The following SMOX variants were observed in gnomAD, a reference collection of about 807,000 sequenced individuals.
SMOX encodes spermine oxidase, also known as flavin containing amine oxidase.
SMOX carries 22 observed loss-of-function variants against 51.0 expected under a neutral mutation model. The observed-to-expected ratio is 0.43, with a 90% CI of 0.31 to 0.62. The LOEUF is 0.62. Ranked by LOEUF, SMOX falls within the 20% of genes least tolerant of loss-of-function variation. SMOX has a pLI of 0.10. For synonymous variants in SMOX, 282 were observed against 307.8 expected (o/e 0.92, Z 0.88); for missense variants, 566 against 777.7 (o/e 0.73, Z 3.24).
chr20:4,182,876 C>G lies in SMOX; in HGVS notation c.1369+28C>G, dbSNP rs747185179. On this transcript the variant is annotated intron_variant, in intron 5 of 6. Transcript: ENST00000305958. The surrounding 1 kb of genome is among the most constrained non-coding windows in gnomAD (Gnocchi z 8.4). Reference sequence around the variant, plus strand: ...GCGCCACGTGCCCCACGACCCGCTTCCCCCACCCTGCTTCTTCCTCACCTG... The same window carrying G: ...GCGCCACGTGCCCCACGACCCGCTTGCCCCACCCTGCTTCTTCCTCACCTG... 1 of 1,583,336 alleles carries G rather than the reference C, an allele frequency of 6.3e-7. No individual in the cohort carries two copies. The highest frequency in any genetic ancestry group is 1.1e-5 in the South Asian group (1 of 88,500).
intron 1 of SMOX, 32 bp from the exon 2 acceptor site, chr20:4,174,998 C>T: frequency 6.3e-7 from 1 of 1,598,084 alleles, no homozygotes; most frequent in Non-Finnish European, 8.6e-7. Context: ...GAAGGCAGAG[C>T]CACTAAGCTG....
In SMOX at chr20:4,183,887, T is replaced by C. The variant is rs1438859659; in HGVS notation, c.1530+233T>C. 6.6e-6 allele frequency among the ~76,000 whole-genome samples: 1 copy of C among 152,222 alleles called. No homozygotes were observed. Among genetic ancestry groups the C allele is most frequent in the Non-Finnish European group, 1.5e-5 (1 of 68,036 alleles). ...AATGTTTTCTTGATGTTATGAAAAC[T>C]GAGCTATTCCATGCTGTGCTGGCCA... On this transcript the variant is annotated intron_variant, in intron 6 of 6. Coordinates refer to ENST00000305958, the MANE Select transcript of SMOX (RefSeq NM_175839.3). This position sits in a 1 kb window ranked among gnomAD's most constrained non-coding sequence, Gnocchi z 4.3.
rs1168461230 is a variant in SMOX at position 4,166,036 on chromosome 20, A to G, written c.-26-8994A>G. Among the ~76,000 whole-genome samples, 1 of 152,234 alleles carries G rather than the reference A, an allele frequency of 6.6e-6. No individual in the cohort carries two copies. Among genetic ancestry groups the G allele is most frequent in the Non-Finnish European group, 1.5e-5 (1 of 68,034 alleles). ...GTGAGAAACCTGGAGGTGGAAACTT[A>G]GCTGGTGGGGCTGGCCCAGAGCTTG... On this transcript the variant is annotated intron_variant, in intron 1 of 6. Coordinates refer to ENST00000305958, the MANE Select transcript of SMOX (RefSeq NM_175839.3). The surrounding 1 kb of genome is among the most constrained non-coding windows in gnomAD (Gnocchi z 4.2).
intron 3 of SMOX, among the ~76,000 whole-genome samples, chr20:4,180,871 C>T (rs1979269585): frequency 6.6e-6 from 1 of 152,166 alleles, no homozygotes; most frequent in Non-Finnish European, 1.5e-5. Context: ...CAATCGTGGA[C>T]TGTCTCCCCA....
Position 4,149,356 on chromosome 20 carries a change from G to A in SMOX, c.-27+379G>A, listed in dbSNP as rs1052867759. Among the ~76,000 whole-genome samples the A allele has an allele frequency of 1.3e-5, 2 of 151,904 alleles. No individual in the cohort carries two copies. The highest frequency in any genetic ancestry group is 2.9e-5 in the Non-Finnish European group (2 of 67,918). ...CGGGCGCCCTGCAGGCGCGCTCCGTGGGCGCAGACAAAGCCGGGCGCGGAC... is the reference window on the plus strand; with the variant it reads ...CGGGCGCCCTGCAGGCGCGCTCCGTAGGCGCAGACAAAGCCGGGCGCGGAC... On this transcript the variant is annotated intron_variant, in intron 1 of 6. Transcript: ENST00000305958. This position sits in a 1 kb window ranked among gnomAD's most constrained non-coding sequence, Gnocchi z 6.0.
intron 3 of SMOX, among the ~76,000 whole-genome samples, chr20:4,180,983 C>T (rs1311762179): frequency 1.3e-5 from 2 of 152,164 alleles, no homozygotes; most frequent in African/African-American, 4.8e-5. Flanking sequence ...CTGGGGATCC[C>T]TGGACTGGCT....
intron 1 of SMOX, among the ~76,000 whole-genome samples, chr20:4,158,964 C>G (rs965818032): frequency 6.6e-6 from 1 of 151,686 alleles, no homozygotes; most frequent in African/African-American, 2.4e-5. Context: ...TTAAATGATG[C>G]CTTTAAATGT....
In SMOX at chr20:4,166,167, CG is replaced by C. The variant is rs1568735925; in HGVS notation, c.-26-8862del. The stretch of plus-strand genomic sequence containing the variant: ...GTGTGATCTATTGTCAGAGTGTGAT[CG>C]AGTTGCTAATTTTTGCTGAAGGTGG... On this transcript the variant is annotated intron_variant, in intron 1 of 6. Coordinates refer to ENST00000305958, the MANE Select transcript of SMOX (RefSeq NM_175839.3). The surrounding 1 kb of genome is among the most constrained non-coding windows in gnomAD (Gnocchi z 4.2). 6.6e-6 allele frequency among the ~76,000 whole-genome samples: 1 copy of C among 152,016 alleles called. No homozygotes were observed. Among genetic ancestry groups the C allele is most frequent in the Non-Finnish European group, 1.5e-5 (1 of 68,000 alleles).
intron 1 of SMOX, among the ~76,000 whole-genome samples, chr20:4,154,444 C>T (rs58194036): frequency 0.058 from 8,716 of 151,334 alleles, 394 homozygotes; most frequent in East Asian, 0.22. Flanking sequence ...GACAGGATCT[C>T]GGCTCACTGC....
chr20:4,174,997 G>A (rs1978717774), intron 1 of SMOX, 33 bp from the exon 2 acceptor site: 2 of 1,598,396 alleles, frequency 1.3e-6, no homozygotes, highest in African/African-American at 2.7e-5. Context: ...TGAAGGCAGA[G>A]CCACTAAGCT....
In SMOX at chr20:4,172,556, A is replaced by G. The variant is rs1040360085; in HGVS notation, c.-26-2474A>G. 2.0e-5 allele frequency among the ~76,000 whole-genome samples: 3 copies of G among 152,070 alleles called. No individual in the cohort carries two copies. Among genetic ancestry groups the G allele is most frequent in the Non-Finnish European group, 4.4e-5 (3 of 68,002 alleles). On this transcript the variant is annotated intron_variant, in intron 1 of 6. Transcript: ENST00000305958. This position sits in a 1 kb window ranked among gnomAD's most constrained non-coding sequence, Gnocchi z 7.7. ...AGGAGAGGGACGGGAGTCAGAGGAC[A>G]GAGGCGGGGAGGAGGAAAGGGCCGG...
chr20:4,152,426 T>C (rs1328675905), intron 1 of SMOX, among the ~76,000 whole-genome samples: 1 of 152,026 alleles, frequency 6.6e-6, no homozygotes, highest in Non-Finnish European at 1.5e-5. Flanking sequence ...AGTTGAGTGT[T>C]AAATTGTGTG....
intron 1 of SMOX, among the ~76,000 whole-genome samples, chr20:4,173,012 A>G (rs1367061576): frequency 2.6e-5 from 4 of 152,186 alleles, no homozygotes; most frequent in Non-Finnish European, 5.9e-5. Flanking sequence ...AGACCCTGAA[A>G]TGCATGGAGA....
intron 2 of SMOX, 57 bp downstream of exon 2, chr20:4,175,320 T>C: frequency 6.5e-7 from 1 of 1,542,096 alleles, no homozygotes; most frequent in Non-Finnish European, 8.9e-7. Context: ...AGTCTCCTAA[T>C]TCCCGGCTCT....
intron 1 of SMOX, among the ~76,000 whole-genome samples, chr20:4,164,537 G>A (rs977182915): frequency 3.3e-5 from 5 of 152,320 alleles, no homozygotes; most frequent in African/African-American, 4.8e-5. Context: ...GAAAGCTGTG[G>A]TACTATAAGG....
rs756743685 is a variant in SMOX, at chr20:4,164,620, T to TTG, written c.-26-10394_-26-10393dup. 1.1e-3 allele frequency among the ~76,000 whole-genome samples: 167 copies of TTG among 151,352 alleles called. 1 individual carries two copies. Among genetic ancestry groups the TTG allele is most frequent in the African/African-American group, 3.0e-3 (122 of 41,330 alleles). ...ACATAAGGAAATATGCTTTCATGAT[T>TTG]TGTGTGTGTGTGTGTGTAAGAGAAG... On this transcript the variant is annotated intron_variant, in intron 1 of 6. Coordinates refer to ENST00000305958, the MANE Select transcript of SMOX (RefSeq NM_175839.3).
rs1439306108 is a variant in SMOX at position 4,166,299 on chromosome 20, AT to A, written c.-26-8730del. On this transcript the variant is annotated intron_variant, in intron 1 of 6. Transcript: ENST00000305958. This position sits in a 1 kb window ranked among gnomAD's most constrained non-coding sequence, Gnocchi z 4.2. ...CCATCTCTACCTGTGTCTCTCTCTG[AT>A]ACTGTCATCAAGGCCCTCAGTGAGC... Among the ~76,000 whole-genome samples the A allele has an allele frequency of 1.3e-5, 2 of 152,210 alleles. No homozygotes were observed. Among genetic ancestry groups the A allele is most frequent in the South Asian group, 2.1e-4 (1 of 4,826 alleles).
rs1199489868 is a variant in SMOX, at chr20:4,172,441, A to G, written c.-26-2589A>G. ...TCTAAATTTAGTTTGCAGGAAGGAG[A>G]ACCTGGGGTAGGGTGGGGGAGGACT... On this transcript the variant is annotated intron_variant, in intron 1 of 6. Coordinates refer to ENST00000305958, the MANE Select transcript of SMOX (RefSeq NM_175839.3). This position sits in a 1 kb window ranked among gnomAD's most constrained non-coding sequence, Gnocchi z 7.7. Among the ~76,000 whole-genome samples, 1 of 152,086 alleles carries G rather than the reference A, an allele frequency of 6.6e-6. No individual in the cohort carries two copies. Among genetic ancestry groups the G allele is most frequent in the Non-Finnish European group, 1.5e-5 (1 of 67,986 alleles).
rs138375509 is a variant in SMOX, at chr20:4,153,294, T to A, written c.-27+4317T>A. 1.4e-4 allele frequency among the ~76,000 whole-genome samples: 22 copies of A among 152,136 alleles called. No homozygotes were observed. Among genetic ancestry groups the A allele is most frequent in the Admixed American group, 7.2e-4 (11 of 15,300 alleles). ...GAATGTCACCCTTCTGGGTTTAGCATTGCCCTCGTCATCTGCCTGTAAAAT... is the reference window on the plus strand; with the variant it reads ...GAATGTCACCCTTCTGGGTTTAGCAATGCCCTCGTCATCTGCCTGTAAAAT... On this transcript the variant is annotated intron_variant, in intron 1 of 6. Coordinates refer to ENST00000305958, the MANE Select transcript of SMOX (RefSeq NM_175839.3). This position sits in a 1 kb window ranked among gnomAD's most constrained non-coding sequence, Gnocchi z 4.4.
Sources: allele counts gnomAD v4.1 joint callset (sites outside exome capture counted in the v4.1 genomes callset), GRCh38; gene constraint gnomAD v4.1.1; non-coding constraint Gnocchi (gnomAD v3.1); transcripts MANE v1.5; gene names NCBI Gene and HGNC (gene_info 2026-07-23, HGNC 2026-07-21).